The following PIAS1 variants were observed in gnomAD, a reference collection of about 807,000 sequenced individuals.
PIAS1 encodes the protein E3 SUMO-protein ligase PIAS1.
A neutral mutation model predicts 71.3 loss-of-function variants in PIAS1; 6 were observed. That is an observed-to-expected ratio of 0.08 (90% CI 0.05 to 0.17). The LOEUF (loss-of-function observed/expected upper bound fraction) is 0.17. Ranked by LOEUF, PIAS1 falls within the 10% of genes least tolerant of loss-of-function variation. The pLI, the probability that PIAS1 is intolerant of heterozygous loss-of-function variation, is 1.00. For synonymous variants in PIAS1, 303 were observed against 292.9 expected (o/e 1.03, Z -0.35); for missense variants, 555 against 793.6 (o/e 0.70, Z 3.61).
chr15:68,182,516 T>TGTGTGTGTGTGTGTG (rs10527857), intron 12 of PIAS1, among the ~76,000 whole-genome samples: 1 of 150,022 alleles, frequency 6.7e-6, no homozygotes. Flanking sequence ...TGTGTGTGTG[T>TGTGTGTGTGTGTGTG]CGGAGTTTTG....
chr15:68,116,450 C>T (rs180984791), intron 2 of PIAS1, among the ~76,000 whole-genome samples: 36 of 152,134 alleles, frequency 2.4e-4, no homozygotes, highest in African/African-American at 7.9e-4. Flanking sequence ...TTCCTGATAT[C>T]GACAATCTAT....
chr15:68,159,844 C>G (rs1397518382), intron 7 of PIAS1, among the ~76,000 whole-genome samples: 5 of 151,996 alleles, frequency 3.3e-5, no homozygotes, highest in African/African-American at 1.2e-4. Context: ...GGGTAAATAC[C>G]TAGGAGTGGG....
In PIAS1 at chr15:68,153,667, A is replaced by C; in HGVS notation, c.906A>C (p.Ile302=). Reference sequence around the variant, plus strand: ...TTCAGAGGTTACGAGCAAAGGGAATAAGGAATCCGGATCATTCTAGAGCTT... The same window carrying C: ...TTCAGAGGTTACGAGCAAAGGGAATCAGGAATCCGGATCATTCTAGAGCTT... ...VLLQRLRAKG[I]RNPDHSRALI... Residue 302 remains isoleucine, a synonymous_variant, in exon 7 of 14, where the codon ATA becomes ATC. Coordinates refer to ENST00000249636, the MANE Select transcript of PIAS1 (RefSeq NM_016166.3). 2 of 1,575,066 alleles carry C rather than the reference A, an allele frequency of 1.3e-6. No homozygotes were observed. The highest frequency in any genetic ancestry group is 1.7e-6 in the Non-Finnish European group (2 of 1,144,806).
At chr15:68,135,818 A>G (rs2092729548) in intron 2 of PIAS1, among the ~76,000 whole-genome samples, 2 of 38,256 alleles carry the variant, frequency 5.2e-5, no homozygotes, top group Admixed American at 4.1e-4. Context: ...CAGACGGGGC[A>G]GTTGCCAGGC....
chr15:68,155,575 T>C (rs1370518102), intron 7 of PIAS1, among the ~76,000 whole-genome samples: 6 of 152,050 alleles, frequency 3.9e-5, no homozygotes, highest in Non-Finnish European at 8.8e-5. Flanking sequence ...GTTACAAATA[T>C]GTTCTTTGTA....
intron 2 of PIAS1, among the ~76,000 whole-genome samples, chr15:68,093,217 A>T (rs2092346909): frequency 6.6e-6 from 1 of 152,232 alleles, no homozygotes; most frequent in Non-Finnish European, 1.5e-5. Flanking sequence ...CATTTAACTT[A>T]GTTTTCATGA....
intron 2 of PIAS1, among the ~76,000 whole-genome samples, chr15:68,096,703 T>C (rs1480406956): frequency 6.6e-6 from 1 of 152,170 alleles, no homozygotes; most frequent in Non-Finnish European, 1.5e-5. Context: ...GTTAAGTTCC[T>C]TTTCAGTGTG....
chr15:68,088,494 A>G (rs74550421), intron 2 of PIAS1, among the ~76,000 whole-genome samples: 1 of 152,042 alleles, frequency 6.6e-6, no homozygotes. Flanking sequence ...TGTTTGTGGT[A>G]TGTATTCACA....
intron 1 of PIAS1, among the ~76,000 whole-genome samples, chr15:68,067,675 C>T (rs1295742571): frequency 2.6e-5 from 4 of 151,832 alleles, no homozygotes; most frequent in African/African-American, 7.3e-5. Flanking sequence ...TAGTAGAAAT[C>T]GTGTTATTTT....
intron 1 of PIAS1, among the ~76,000 whole-genome samples, chr15:68,085,593 TG>T (rs1296429423): frequency 6.6e-6 from 1 of 152,218 alleles, no homozygotes; most frequent in Non-Finnish European, 1.5e-5. Context: ...CAGACATATC[TG>T]GGTTTGAATC....
At chr15:68,129,299 C>T (rs950421067) in intron 2 of PIAS1, among the ~76,000 whole-genome samples, 7 of 152,194 alleles carry the variant, frequency 4.6e-5, no homozygotes, top group East Asian at 1.9e-4. Flanking sequence ...AATTCCTGGC[C>T]TCAAGTGATC....
intron 2 of PIAS1, among the ~76,000 whole-genome samples, chr15:68,088,072 G>C (rs898087674): frequency 4.7e-5 from 7 of 150,058 alleles, no homozygotes; most frequent in Non-Finnish European, 1.0e-4. Flanking sequence ...ATTGTTTCTT[G>C]TTTTTTACAG....
At chr15:68,102,237 C>G (rs1185788498) in intron 2 of PIAS1, among the ~76,000 whole-genome samples, 1 of 152,206 alleles carries the variant, frequency 6.6e-6, no homozygotes, top group Non-Finnish European at 1.5e-5. Context: ...CATTGAATTA[C>G]TTTTGCATCT....
intron 2 of PIAS1, among the ~76,000 whole-genome samples, chr15:68,133,445 G>A (rs1257558555): frequency 1.3e-5 from 2 of 151,806 alleles, no homozygotes; most frequent in South Asian, 2.1e-4. Flanking sequence ...TAAAAAAAAT[G>A]GATAGAGAAA....
chr15:68,160,489 G>A (rs553903045), intron 7 of PIAS1, among the ~76,000 whole-genome samples: 2 of 152,178 alleles, frequency 1.3e-5, no homozygotes, highest in Admixed American at 1.3e-4. Context: ...TATGCCAAAC[G>A]AGTCTTAATT....
intron 7 of PIAS1, among the ~76,000 whole-genome samples, chr15:68,158,574 T>G (rs908245092): frequency 3.0e-4 from 46 of 152,252 alleles, no homozygotes; most frequent in African/African-American, 1.1e-3. Context: ...AATCTTATTT[T>G]TTTTCTTGAA....
In PIAS1 at chr15:68,086,615, T is replaced by G; in HGVS notation, c.334T>G (p.Ser112Ala). The G allele has an allele frequency of 6.2e-7, 1 of 1,613,508 alleles. No homozygotes were observed. ...TGCATCATCGCCATTACTCCCTGTT[T>G]CTCTTCTGGGACCTAAACATGAACT... ...HPASSPLLPV[S>A]LLGPKHELEL... The change falls in exon 2 of 14, where the codon TCT becomes GCT. Residue 112 changes from serine to alanine, a missense_variant. This residue lies in a region of PIAS1 where 80 missense variants were observed against 66.9 expected (regional missense o/e 1.20). Coordinates refer to ENST00000249636, the MANE Select transcript of PIAS1 (RefSeq NM_016166.3). This position sits in a 1 kb window ranked among gnomAD's most constrained non-coding sequence, Gnocchi z 7.2.
chr15:68,127,875 G>A (rs1399838643), intron 2 of PIAS1, among the ~76,000 whole-genome samples: 1 of 152,092 alleles, frequency 6.6e-6, no homozygotes, highest in Non-Finnish European at 1.5e-5. Context: ...CAATTCTCCT[G>A]CTTCAGCCTC....
intron 2 of PIAS1, among the ~76,000 whole-genome samples, chr15:68,122,331 C>T (rs759521528): frequency 1.3e-5 from 2 of 152,086 alleles, no homozygotes; most frequent in Non-Finnish European, 2.9e-5. Flanking sequence ...GGTAACATAG[C>T]GTTGAATACT....
Sources: allele counts gnomAD v4.1 joint callset (sites outside exome capture counted in the v4.1 genomes callset), GRCh38; gene constraint gnomAD v4.1.1; regional missense constraint gnomAD v4.1.1; non-coding constraint Gnocchi (gnomAD v3.1); transcripts MANE v1.5; gene names NCBI Gene and HGNC (gene_info 2026-07-23, HGNC 2026-07-21).